Variants in NTRK3 observed in about 807,000 individuals in gnomAD.
NTRK3 encodes the protein neurotrophic receptor tyrosine kinase 3.
A neutral mutation model predicts 91.7 loss-of-function variants in NTRK3; 24 were observed. The ratio of observed to expected loss-of-function variants is 0.26; its 90% CI spans 0.19 to 0.37. The LOEUF is 0.37. Ranked by LOEUF, NTRK3 falls within the 10% of genes least tolerant of loss-of-function variation. The probability of loss-of-function intolerance (pLI) is 1.00; values close to 1 mark genes in which losing one functional copy is unlikely to be tolerated. For missense variants in NTRK3, 880 were observed against 1,068.9 expected, an observed-to-expected ratio of 0.82 and a Z score of 2.46; for synonymous variants, 483 against 404.0, an observed-to-expected ratio of 1.20 and a Z score of -2.34.
chr15:87,913,041 A>C (rs1363429644), intron 17 of NTRK3, among the ~76,000 whole-genome samples: 2 of 146,762 alleles, frequency 1.4e-5, no homozygotes, highest in East Asian at 4.2e-4. Context: ...CTGGCAGGGA[A>C]AGCTGTATCT....
At chr15:87,913,170 G>A (rs2067217617) in intron 17 of NTRK3, among the ~76,000 whole-genome samples, 1 of 151,774 alleles carries the variant, frequency 6.6e-6, no homozygotes, top group Admixed American at 6.6e-5. Context: ...TAGTTGAAAT[G>A]TGAGGGAAAG....
chr15:88,107,550 C>T (rs1015418061), intron 13 of NTRK3, among the ~76,000 whole-genome samples: 29 of 152,112 alleles, frequency 1.9e-4, no homozygotes, highest in Non-Finnish European at 1.2e-4. Context: ...GTCATGGTAG[C>T]ACCCCCATCC....
At chr15:87,867,046 T>A (rs1249838378) in exon 19 of NTRK3, 1 of 222,808 alleles carries the variant, frequency 4.5e-6, no homozygotes, top group Non-Finnish European at 9.0e-6. Context: ...GGAGAAAGGC[T>A]CCCCTTTCCT....
chr15:87,897,223 T>A (rs2066180035), intron 17 of NTRK3, among the ~76,000 whole-genome samples: 1 of 152,186 alleles, frequency 6.6e-6, no homozygotes, highest in African/African-American at 2.4e-5. Context: ...TAGAGCTGCA[T>A]CTGCCAGGAG....
chr15:88,093,595 C>T (rs993476751), intron 13 of NTRK3, among the ~76,000 whole-genome samples: 10 of 152,188 alleles, frequency 6.6e-5, no homozygotes, highest in Admixed American at 2.6e-4. Flanking sequence ...CATGTTATTT[C>T]TGCCATAGCA....
intron 17 of NTRK3, among the ~76,000 whole-genome samples, chr15:87,925,214 G>A (rs908732813): frequency 2.0e-5 from 3 of 152,142 alleles, no homozygotes; most frequent in Admixed American, 6.6e-5. Context: ...TGGTGTTCTG[G>A]TGTGGGAACA....
rs550527271 is a variant in NTRK3, at chr15:88,169,082, T to G, written c.395+14336A>C. 1.2e-4 allele frequency among the ~76,000 whole-genome samples: 19 copies of G among 152,232 alleles called. 1 individual carries two copies. The East Asian group carries it at 3.3e-3, about 26-fold the overall frequency. On this transcript the variant is annotated intron_variant, in intron 5 of 18. Coordinates refer to ENST00000394480, the Ensembl canonical transcript of NTRK3. The stretch of plus-strand genomic sequence containing the variant: ...CATGGGGGTATCGAGGGAAGCGCAA[T>G]GTGGCTTGAGCGGAGAGCCCTGGAG...
intron 13 of NTRK3, among the ~76,000 whole-genome samples, chr15:88,117,364 C>A (rs76406383): frequency 1.3e-5 from 2 of 152,106 alleles, no homozygotes; most frequent in Admixed American, 1.3e-4. Flanking sequence ...ATGTTTGATG[C>A]CTGTCACTCT....
chr15:87,931,322 G>C (rs759984386), intron 16 of NTRK3: 3 of 452,172 alleles, frequency 6.6e-6, no homozygotes, highest in Non-Finnish European at 8.7e-6. Flanking sequence ...GGGCTATCCC[G>C]AATATTGAGA....
At chr15:88,010,021 C>T (rs918991043) in intron 14 of NTRK3, among the ~76,000 whole-genome samples, 2 of 152,200 alleles carry the variant, frequency 1.3e-5, no homozygotes, top group African/African-American at 4.8e-5. Context: ...GTCGAGCTTG[C>T]CCCCAAATCT....
intron 14 of NTRK3, among the ~76,000 whole-genome samples, chr15:87,980,995 C>G (rs1014152900): frequency 1.3e-5 from 2 of 152,150 alleles, no homozygotes; most frequent in African/African-American, 4.8e-5. Flanking sequence ...GGCCATGGTC[C>G]TCTCCTGCTT....
At chr15:87,971,809 C>T (rs190897049) in intron 14 of NTRK3, among the ~76,000 whole-genome samples, 6 of 152,272 alleles carry the variant, frequency 3.9e-5, no homozygotes, top group Admixed American at 2.6e-4. Context: ...TAGAAGAGCA[C>T]ATGTGCTCCC....
At chr15:88,093,309 G>C (rs990095909) in intron 13 of NTRK3, among the ~76,000 whole-genome samples, 1 of 152,066 alleles carries the variant, frequency 6.6e-6, no homozygotes, top group African/African-American at 2.4e-5. Context: ...AAAAAGGGAG[G>C]GGGGAAGGAA....
intron 17 of NTRK3, among the ~76,000 whole-genome samples, chr15:87,888,588 T>G (rs28555382): frequency 6.6e-6 from 1 of 152,144 alleles, no homozygotes; most frequent in African/African-American, 2.4e-5. Flanking sequence ...GGGGGTGACC[T>G]TGACCCCTTT....
At chr15:88,087,882 C>T (rs2048653906) in intron 13 of NTRK3, among the ~76,000 whole-genome samples, 1 of 152,162 alleles carries the variant, frequency 6.6e-6, no homozygotes, top group South Asian at 2.1e-4. Flanking sequence ...AACCTCATCT[C>T]TACTAAAAAG....
chr15:88,151,018 A>G (rs1250328020), intron 5 of NTRK3, among the ~76,000 whole-genome samples: 1 of 151,850 alleles, frequency 6.6e-6, no homozygotes, highest in Non-Finnish European at 1.5e-5. Flanking sequence ...AATTAAGAAC[A>G]CCCTGCCTCT....
At chr15:87,978,521 T>A (rs2073918046) in intron 14 of NTRK3, 1 of 228,744 alleles carries the variant, frequency 4.4e-6, no homozygotes, top group South Asian at 1.8e-4. Flanking sequence ...TCCCTTGTGG[T>A]CCTAGTAGGA....
chr15:88,038,616 A>C (rs2079290579), intron 13 of NTRK3, among the ~76,000 whole-genome samples: 1 of 152,306 alleles, frequency 6.6e-6, no homozygotes, highest in Admixed American at 6.5e-5. Flanking sequence ...ATCATGAGGG[A>C]GGCTGTGCAT....
At chr15:88,038,091 C>A (rs896967513) in intron 13 of NTRK3, among the ~76,000 whole-genome samples, 17 of 152,224 alleles carry the variant, frequency 1.1e-4, no homozygotes, top group African/African-American at 4.1e-4. Context: ...TCCTCATAAG[C>A]AGCTGCCTTC....
Sources: gnomAD v4.1 joint callset for allele counts (sites outside exome capture counted in the v4.1 genomes callset) on GRCh38, gnomAD v4.1.1 for gene constraint, MANE v1.5 for transcripts, NCBI Gene and HGNC (gene_info 2026-07-23, HGNC 2026-07-21) for gene names.